The following GPHN variants were observed in gnomAD, a reference collection of about 807,000 sequenced individuals.
The protein encoded by GPHN is gephyrin.
GPHN carries 17 observed loss-of-function variants against 95.5 expected under a neutral mutation model. The observed-to-expected ratio is 0.18, with a 90% CI of 0.12 to 0.27. GPHN has a LOEUF of 0.27. GPHN is among the 10% of genes least tolerant of loss of function. The pLI is 1.00. For synonymous variants in GPHN, 320 were observed against 322.5 expected, an observed-to-expected ratio of 0.99 and a Z score of 0.08; for missense variants, 660 against 978.1, an observed-to-expected ratio of 0.67 and a Z score of 4.34.
the GPHN span, among the ~76,000 whole-genome samples, chr14:67,400,976 CA>C: frequency 6.6e-6 from 1 of 150,926 alleles, no homozygotes; most frequent in Admixed American, 6.6e-5. Context: ...GGTGACAGAG[CA>C]AGATTCTGCC....
the GPHN span, chr14:67,613,510 A>C: frequency 6.2e-6 from 1 of 162,142 alleles, no homozygotes; most frequent in Admixed American, 6.2e-5. Context: ...CTCAAGTGAC[A>C]GAACGAGACC....
the GPHN span, among the ~76,000 whole-genome samples, chr14:67,295,756 C>T: frequency 2.0e-5 from 3 of 152,148 alleles, no homozygotes; most frequent in African/African-American, 7.2e-5. Context: ...TCATACATCA[C>T]TGGTGGAGTA....
the GPHN span, among the ~76,000 whole-genome samples, chr14:67,206,646 C>T: frequency 1.1e-4 from 16 of 152,106 alleles, no homozygotes; most frequent in East Asian, 5.8e-4. Context: ...TCTAAGTAGA[C>T]GTAAAATAAA....
At chr14:67,563,184 T>C in the GPHN span, among the ~76,000 whole-genome samples, 1 of 152,222 alleles carries the variant, frequency 6.6e-6, no homozygotes, top group African/African-American at 2.4e-5. Flanking sequence ...TGTGAGTCTT[T>C]CAGGTGGTCT....
chr14:66,848,353 T>C (rs536072686), intron 4 of GPHN, among the ~76,000 whole-genome samples: 9 of 152,078 alleles, frequency 5.9e-5, no homozygotes, highest in Non-Finnish European at 1.2e-4. Context: ...ACTGTATCTC[T>C]TATAAGTTAA....
chr14:67,199,440 T>A, the GPHN span: 1 of 1,612,936 alleles, frequency 6.2e-7, no homozygotes, highest in East Asian at 2.2e-5. Flanking sequence ...GGGGTCATCT[T>A]ACAAACCCCC....
At chr14:66,612,339 T>C (rs2062818824) in intron 1 of GPHN, among the ~76,000 whole-genome samples, 1 of 152,042 alleles carries the variant, frequency 6.6e-6, no homozygotes, top group Non-Finnish European at 1.5e-5. Flanking sequence ...GTTATTGTTC[T>C]TTTATAAAGC....
intron 4 of GPHN, among the ~76,000 whole-genome samples, chr14:66,865,400 A>C (rs148716043): frequency 5.1e-4 from 77 of 152,194 alleles, no homozygotes; most frequent in African/African-American, 1.7e-3. Context: ...AAAATTAAAA[A>C]TTTTTCAAAT....
chr14:66,574,946 T>TAGA (rs1358828041), intron 1 of GPHN, among the ~76,000 whole-genome samples: 1 of 152,210 alleles, frequency 6.6e-6, no homozygotes, highest in Non-Finnish European at 1.5e-5. Context: ...GTTACCAGCA[T>TAGA]AGAGTCTGTA....
At chr14:66,847,534 A>G (rs2062386911) in intron 4 of GPHN, among the ~76,000 whole-genome samples, 1 of 152,088 alleles carries the variant, frequency 6.6e-6, no homozygotes, top group Non-Finnish European at 1.5e-5. Context: ...GAGAAGGCAA[A>G]AGGTCTATCT....
the GPHN span, chr14:67,615,696 C>G: frequency 1.5e-4 from 72 of 489,208 alleles, 1 homozygote; most frequent in Non-Finnish European, 4.8e-5. Context: ...AGGCCCGTTA[C>G]GAAAGAGAAA....
chr14:67,345,369 A>G, the GPHN span, among the ~76,000 whole-genome samples: 1 of 152,098 alleles, frequency 6.6e-6, no homozygotes, highest in South Asian at 2.1e-4. Flanking sequence ...CCAGCCTGAC[A>G]AACATGGCAA....
the GPHN span, among the ~76,000 whole-genome samples, chr14:67,686,853 G>A: frequency 6.6e-6 from 1 of 152,116 alleles, no homozygotes; most frequent in South Asian, 2.1e-4. Flanking sequence ...GCTGCCAAAT[G>A]AGTTTTGGTG....
chr14:67,364,947 C>T, the GPHN span: 1 of 1,614,008 alleles, frequency 6.2e-7, no homozygotes, highest in Admixed American at 1.7e-5. Context: ...GTTCTATCAA[C>T]AAACTCATCC....
At chr14:67,656,188 G>C in the GPHN span, among the ~76,000 whole-genome samples, 1 of 150,828 alleles carries the variant, frequency 6.6e-6, no homozygotes, top group Non-Finnish European at 1.5e-5. Flanking sequence ...GGAGGTTGCA[G>C]CAAGTGGAGA....
intron 1 of GPHN, among the ~76,000 whole-genome samples, chr14:66,522,150 T>C (rs941730541): frequency 6.6e-5 from 10 of 152,178 alleles, no homozygotes; most frequent in African/African-American, 2.4e-4. Context: ...CTCACAATGA[T>C]TGACCTCCAC....
At chr14:67,661,768 A>G in the GPHN span, among the ~76,000 whole-genome samples, 1 of 151,920 alleles carries the variant, frequency 6.6e-6, no homozygotes, top group Admixed American at 6.6e-5. Flanking sequence ...TTCTGGCCTC[A>G]AGTGATCCTC....
intron 1 of GPHN, among the ~76,000 whole-genome samples, chr14:66,667,244 TTAAACTACCATTGACATCTAGTTCTG>T: frequency 6.6e-6 from 1 of 152,318 alleles, no homozygotes; most frequent in South Asian, 2.1e-4. Context: ...GCTATTCTGA[TTAAACTACCATTGACATCTAGTTCTG>T]TAAACTACCA....
the GPHN span, among the ~76,000 whole-genome samples, chr14:67,405,854 T>C: frequency 6.6e-6 from 1 of 152,184 alleles, no homozygotes; most frequent in Non-Finnish European, 1.5e-5. Context: ...AGCCTTCAGG[T>C]GACTGTCACT....
Sources: allele counts gnomAD v4.1 joint callset (sites outside exome capture counted in the v4.1 genomes callset), GRCh38; gene constraint gnomAD v4.1.1; transcripts MANE v1.5; gene names NCBI Gene and HGNC (gene_info 2026-07-23, HGNC 2026-07-21).